DGKD: variants seen among roughly 807,000 people sequenced by gnomAD.
DGKD encodes the protein diacylglycerol kinase delta.
In DGKD, 68 loss-of-function variants were observed where a neutral mutation model predicts 154.4. That is an observed-to-expected ratio of 0.44 (90% CI 0.36 to 0.54). The LOEUF is 0.54. DGKD is among the 20% of genes least tolerant of loss of function. DGKD has a pLI of 0.00. For missense variants in DGKD, 1,343 were observed against 1,593.6 expected (o/e 0.84, Z 2.68); for synonymous variants, 693 against 638.0 (o/e 1.09, Z -1.30).
At chr2:233,398,397 A>G (rs1418026755) in intron 3 of DGKD, among the ~76,000 whole-genome samples, 6 of 152,000 alleles carry the variant, frequency 3.9e-5, no homozygotes, top group East Asian at 1.9e-4. Context: ...CGCCGGCCTC[A>G]GCCTCCCAAA....
chr2:233,364,050 A>G (rs777904178), intron 1 of DGKD, among the ~76,000 whole-genome samples: 1 of 152,226 alleles, frequency 6.6e-6, no homozygotes, highest in Non-Finnish European at 1.5e-5. Context: ...AGATCACACC[A>G]CTGCACTCCA....
Position 233,458,166 on chromosome 2 carries a change from C to A in DGKD, c.2581-118C>A. The A allele has an allele frequency of 1.7e-6, 1 of 597,652 alleles. No homozygotes were observed. The highest frequency in any genetic ancestry group is 3.0e-6 in the Non-Finnish European group (1 of 329,614). 37.0% of individuals were successfully genotyped at this position (597,652 alleles called of 1,614,324 possible). A position where few individuals can be genotyped will look rare whatever the true frequency, so the allele number is the denominator to read the frequency against. On this transcript the variant is annotated intron_variant, in intron 21 of 29. Transcript: ENST00000264057. This position sits in a 1 kb window ranked among gnomAD's most constrained non-coding sequence, Gnocchi z 6.6. ...ATGAAGCCCGTCAGGAGTGCAGTTA[C>A]CTGGTAACTTCTCGCCAGCTAGGAG...
At chr2:233,464,052 C>G in intron 26 of DGKD, 112 bp from the exon 27 acceptor site, 1 of 1,427,832 alleles carries the variant, frequency 7.0e-7, no homozygotes. Context: ...GGAAAGTGAG[C>G]TCCCTGATCA....
chr2:233,423,011 T>C (rs896033796), intron 3 of DGKD, among the ~76,000 whole-genome samples: 3 of 152,236 alleles, frequency 2.0e-5, no homozygotes, highest in African/African-American at 7.2e-5. Flanking sequence ...TGGAATCTTA[T>C]AGTATGTAAC....
intron 3 of DGKD, among the ~76,000 whole-genome samples, chr2:233,394,103 C>G (rs931657467): frequency 6.6e-6 from 1 of 152,156 alleles, no homozygotes; most frequent in African/African-American, 2.4e-5. Context: ...AGGCCAGTTA[C>G]GTTTAACACT....
chr2:233,362,223 C>A (rs527852981), intron 1 of DGKD, among the ~76,000 whole-genome samples: 1 of 152,218 alleles, frequency 6.6e-6, no homozygotes, highest in Non-Finnish European at 1.5e-5. Context: ...AAAATACCCA[C>A]AAGGAAGCCT....
intron 3 of DGKD, among the ~76,000 whole-genome samples, chr2:233,396,523 T>C (rs1389646264): frequency 1.3e-5 from 2 of 152,112 alleles, no homozygotes; most frequent in African/African-American, 4.8e-5. Flanking sequence ...AGCACATACA[T>C]AGAACCTTAG....
At chr2:233,387,712 C>G (rs988945328) in intron 1 of DGKD, among the ~76,000 whole-genome samples, 1 of 152,160 alleles carries the variant, frequency 6.6e-6, no homozygotes, top group Non-Finnish European at 1.5e-5. Flanking sequence ...ACTTTCCTCT[C>G]ATGGTGTGTG....
chr2:233,392,362 A>G (rs1009614521), intron 3 of DGKD: 1 of 152,088 alleles, frequency 6.6e-6, no homozygotes, highest in African/African-American at 2.4e-5. Context: ...GGTTTCAGTT[A>G]TTTGCATATT....
chr2:233,414,608 A>T (rs2061912028), intron 3 of DGKD, among the ~76,000 whole-genome samples: 1 of 152,140 alleles, frequency 6.6e-6, no homozygotes. Flanking sequence ...TGGAAGAGAA[A>T]TGTCTCAGGT....
chr2:233,359,523 A>G (rs889468732), intron 1 of DGKD, among the ~76,000 whole-genome samples: 4 of 150,388 alleles, frequency 2.7e-5, no homozygotes, highest in Non-Finnish European at 5.9e-5. Context: ...CCAGATAGGA[A>G]TCATTTCCCT....
In DGKD at chr2:233,354,555, C is replaced by A; in HGVS notation, c.37C>A (p.Pro13Thr). ...GGCGGGCGCCCCTCCGCCGGGTCCC[C>A]CGCAACCGCCTCCGCCGCCGCCGCC... is the stretch of plus-strand genomic sequence containing the variant. ...AAAGAPPPGP[P>T]QPPPPPPPEE... The change falls in exon 1 of 30, where the codon CCG becomes ACG. Residue 13 changes from proline (P) to threonine (T), a missense_variant. By Grantham distance (38) the Pro-to-Thr change is conservative (BLOSUM62 -1). Coordinates refer to ENST00000264057, the MANE Select transcript of DGKD (RefSeq NM_152879.3). The surrounding 1 kb of genome is among the most constrained non-coding windows in gnomAD (Gnocchi z 4.8). The A allele has an allele frequency of 2.9e-6, 3 of 1,041,792 alleles. No homozygotes were observed. Among genetic ancestry groups the A allele is most frequent in the Non-Finnish European group, 3.5e-6 (3 of 861,846 alleles). The allele number at this position is 1,041,792 out of a possible 1,614,324, so 64.5% of individuals were successfully genotyped here.
rs970398687 is a variant in DGKD at position 233,471,718 on chromosome 2, T to C, written c.*2258T>C. 1 of 152,412 alleles carries C rather than the reference T, an allele frequency of 6.6e-6. No individual in the cohort carries two copies. Among genetic ancestry groups the C allele is most frequent in the Non-Finnish European group, 1.5e-5 (1 of 68,046 alleles). The allele number at this position is 152,412 out of a possible 1,614,324, so 9.4% of individuals were successfully genotyped here. On this transcript the variant is annotated 3_prime_UTR_variant, in exon 30 of 30. Coordinates refer to ENST00000264057, the MANE Select transcript of DGKD (RefSeq NM_152879.3). ...TACATAAAAACCATTTTTCTAATTCTAACAAGTTAGAATGTGAGGAAGGAA... is the reference window on the plus strand; with the variant it reads ...TACATAAAAACCATTTTTCTAATTCCAACAAGTTAGAATGTGAGGAAGGAA...
rs561238715 is a variant in DGKD at position 233,360,265 on chromosome 2, T to A, written c.156+5591T>A. Among the ~76,000 whole-genome samples, 430 of 151,966 alleles carry A rather than the reference T, an allele frequency of 2.8e-3. 6 individuals are homozygous for A. Among genetic ancestry groups the A allele is most frequent in the Non-Finnish European group, 3.3e-3 (224 of 67,978 alleles). On this transcript the variant is annotated intron_variant, in intron 1 of 29. Coordinates refer to ENST00000264057, the MANE Select transcript of DGKD (RefSeq NM_152879.3). ...TATTAGTTAAATATCTTTAAAAAAA[T>A]TTTTTTTCTTTTTTTCTGAGACAGG...
chr2:233,366,115 A>C (rs1032116447), intron 1 of DGKD, among the ~76,000 whole-genome samples: 2 of 152,188 alleles, frequency 1.3e-5, no homozygotes, highest in Admixed American at 6.5e-5. Context: ...TAGGGCTGGT[A>C]AGCATCGGGA....
At chr2:233,464,068 G>C in intron 26 of DGKD, 96 bp from the exon 27 acceptor site, 1 of 1,545,494 alleles carries the variant, frequency 6.5e-7, no homozygotes, top group Non-Finnish European at 8.8e-7. Flanking sequence ...GATCAGAGCA[G>C]AGCAGAGCCC....
rs143921228 is a variant in DGKD, at chr2:233,438,577, C to T, written c.1085+198C>T. ...TGGCCTTCCAACTTTGAACACAGTG[C>T]GCGTGTGCACACACGTACATACATC... On this transcript the variant is annotated intron_variant, in intron 9 of 29. Coordinates refer to ENST00000264057, the MANE Select transcript of DGKD (RefSeq NM_152879.3). This position sits in a 1 kb window ranked among gnomAD's most constrained non-coding sequence, Gnocchi z 4.1. Among the ~76,000 whole-genome samples, 18 of 152,288 alleles carry T rather than the reference C, an allele frequency of 1.2e-4. No homozygotes were observed. Among genetic ancestry groups the T allele is most frequent in the South Asian group, 8.3e-4 (4 of 4,822 alleles).
chr2:233,405,326 C>T (rs1053838812), intron 3 of DGKD, among the ~76,000 whole-genome samples: 1 of 152,140 alleles, frequency 6.6e-6, no homozygotes, highest in Non-Finnish European at 1.5e-5. Flanking sequence ...TGAGATCAGC[C>T]TGATCAACAT....
At chr2:233,424,301 T>G (rs192404452) in intron 3 of DGKD, among the ~76,000 whole-genome samples, 1 of 152,296 alleles carries the variant, frequency 6.6e-6, no homozygotes, top group African/African-American at 2.4e-5. Context: ...TGGTTAGAAA[T>G]GGTTGGACAG....
Sources: allele counts gnomAD v4.1 joint callset (sites outside exome capture counted in the v4.1 genomes callset), GRCh38; gene constraint gnomAD v4.1.1; non-coding constraint Gnocchi (gnomAD v3.1); transcripts MANE v1.5; gene names NCBI Gene and HGNC (gene_info 2026-07-23, HGNC 2026-07-21).